HMGA2: variants seen among roughly 807,000 people sequenced by gnomAD.
HMGA2 encodes high mobility group AT-hook 2.
HMGA2 carries 8 observed loss-of-function variants against 19.1 expected under a neutral mutation model. The ratio of observed to expected loss-of-function variants is 0.42; its 90% CI spans 0.25 to 0.76. HMGA2 has a LOEUF of 0.76. Among genes scored for constraint, HMGA2 ranks in the 30% least tolerant of loss-of-function variants. The probability of loss-of-function intolerance (pLI) is 0.28; values close to 1 mark genes in which losing one functional copy is unlikely to be tolerated. For missense variants in HMGA2, 109 were observed against 136.3 expected (o/e 0.80, Z 1.00); for synonymous variants, 60 against 48.8 (o/e 1.23, Z -0.96).
chr12:65,956,296 C>G (rs1160719265), intron 4 of HMGA2: 1 of 152,156 alleles, frequency 6.6e-6, no homozygotes, highest in African/African-American at 2.4e-5. Context: ...CATGAAGAAT[C>G]ATATCAAAGG....
intron 3 of HMGA2, chr12:65,866,731 C>T (rs1255302604): frequency 2.3e-6 from 1 of 436,808 alleles, no homozygotes; most frequent in Non-Finnish European, 4.6e-6. Flanking sequence ...TTTAAGAAGG[C>T]AGTTATTAAT....
At chr12:65,951,786 T>C (rs1185340956) in intron 4 of HMGA2, 9 of 183,648 alleles carry the variant, frequency 4.9e-5, no homozygotes, top group Non-Finnish European at 7.8e-5. Context: ...ACCAGACTTA[T>C]ATTTAATGAT....
chr12:65,917,379 A>G (rs2121231290), intron 3 of HMGA2, among the ~76,000 whole-genome samples: 1 of 152,228 alleles, frequency 6.6e-6, no homozygotes. Context: ...AAAGCAAATG[A>G]CAAAAGCTAG....
chr12:65,956,010 G>C (rs181458104), intron 4 of HMGA2: 1 of 152,236 alleles, frequency 6.6e-6, no homozygotes, highest in East Asian at 1.9e-4. Context: ...ATTTTTACTG[G>C]GGGCTTTTAG....
intron 3 of HMGA2, among the ~76,000 whole-genome samples, chr12:65,919,620 CAGAT>C (rs1875231755): frequency 6.6e-6 from 1 of 152,178 alleles, no homozygotes; most frequent in Non-Finnish European, 1.5e-5. Flanking sequence ...CTCTGGAAGA[CAGAT>C]AAAGAGAACC....
At position 65,893,140 on chromosome 12, in the gene HMGA2, G is replaced by C. The variant is rs183266733; in HGVS notation, c.249+54571G>C. Among the ~76,000 whole-genome samples, 13 of 152,258 alleles carry C rather than the reference G, an allele frequency of 8.5e-5. No individual in the cohort carries two copies. The East Asian group carries it at 2.3e-3, about 27-fold the overall frequency. On this transcript the variant is annotated intron_variant, in intron 3 of 4. Coordinates refer to ENST00000403681, the MANE Select transcript of HMGA2 (RefSeq NM_003483.6). ...CTCAGCCCCCATTTCCTGTGGAAGG[G>C]GAGACAAGGTCCTGCATGAAGGAGG...
intron 3 of HMGA2, among the ~76,000 whole-genome samples, chr12:65,912,749 C>T (rs1320941301): frequency 1.3e-5 from 2 of 152,204 alleles, no homozygotes; most frequent in East Asian, 3.9e-4. Flanking sequence ...CATGCCATAG[C>T]TCCATCAGCT....
chr12:65,887,566 T>C (rs1873710742), intron 3 of HMGA2, among the ~76,000 whole-genome samples: 1 of 151,942 alleles, frequency 6.6e-6, no homozygotes, highest in African/African-American at 2.4e-5. Flanking sequence ...ACTAAAAATA[T>C]ACAAAAATTG....
chr12:65,863,454 T>C (rs1003976359), intron 3 of HMGA2, among the ~76,000 whole-genome samples: 1 of 149,258 alleles, frequency 6.7e-6, no homozygotes, highest in Non-Finnish European at 1.5e-5. Context: ...CAAGTCCTGG[T>C]TCCCGAAATT....
chr12:65,888,650 G>A (rs1286383336), intron 3 of HMGA2, among the ~76,000 whole-genome samples: 6 of 117,856 alleles, frequency 5.1e-5, no homozygotes, highest in East Asian at 3.1e-4. Flanking sequence ...TGCAAGCTCC[G>A]CCTCCCGGGT....
chr12:65,950,094 A>T (rs770033372), intron 3 of HMGA2, among the ~76,000 whole-genome samples: 8 of 152,210 alleles, frequency 5.3e-5, no homozygotes, highest in Non-Finnish European at 1.0e-4. Context: ...CTCCAGATTC[A>T]TTGCTGGTGG....
At chr12:65,926,629 A>G (rs866093515) in intron 3 of HMGA2, among the ~76,000 whole-genome samples, 20 of 152,266 alleles carry the variant, frequency 1.3e-4, no homozygotes, top group Admixed American at 5.2e-4. Context: ...TTGTTTAATC[A>G]TTAAACCACT....
chr12:65,876,567 T>G (rs1873041197), intron 3 of HMGA2, among the ~76,000 whole-genome samples: 1 of 152,234 alleles, frequency 6.6e-6, no homozygotes, highest in Admixed American at 6.5e-5. Flanking sequence ...AGATTCTAAT[T>G]TGGTTGTTCT....
At chr12:65,851,228 T>C (rs1271277631) in intron 3 of HMGA2, 3 of 153,214 alleles carry the variant, frequency 2.0e-5, no homozygotes, top group Non-Finnish European at 4.4e-5. Flanking sequence ...AATACCATTA[T>C]TTTGGCCTGG....
At chr12:65,911,854 G>T (rs1447459148) in intron 3 of HMGA2, among the ~76,000 whole-genome samples, 5 of 152,080 alleles carry the variant, frequency 3.3e-5, no homozygotes, top group Non-Finnish European at 7.3e-5. Context: ...AAGATGTGGG[G>T]TTCACCACAT....
chr12:65,943,665 A>AT (rs1287875574), intron 3 of HMGA2, among the ~76,000 whole-genome samples: 1 of 152,170 alleles, frequency 6.6e-6, no homozygotes, highest in Non-Finnish European at 1.5e-5. Flanking sequence ...AATTCCAGAG[A>AT]TTTTGCCAAA....
chr12:65,883,808 C>T (rs1873542684), intron 3 of HMGA2, among the ~76,000 whole-genome samples: 2 of 152,192 alleles, frequency 1.3e-5, no homozygotes, highest in South Asian at 4.2e-4. Flanking sequence ...CATACCTATG[C>T]ATTGTTTAAG....
chr12:65,831,365 A>G (rs1026737635), intron 2 of HMGA2, among the ~76,000 whole-genome samples: 5 of 151,782 alleles, frequency 3.3e-5, no homozygotes, highest in African/African-American at 1.2e-4. Flanking sequence ...GGTCAAATTC[A>G]CCTTTAAGTT....
At chr12:65,874,694 T>A (rs1019869336) in intron 3 of HMGA2, among the ~76,000 whole-genome samples, 127 of 152,234 alleles carry the variant, frequency 8.3e-4, no homozygotes, top group African/African-American at 2.7e-3. Flanking sequence ...ATATCTTTTT[T>A]AAAAAAATAA....
Sources: gnomAD v4.1 joint callset for allele counts (sites outside exome capture counted in the v4.1 genomes callset) on GRCh38, gnomAD v4.1.1 for gene constraint, MANE v1.5 for transcripts, NCBI Gene and HGNC (gene_info 2026-07-23, HGNC 2026-07-21) for gene names.